LIN7A: variants seen among roughly 807,000 people sequenced by gnomAD.
The protein encoded by LIN7A is lin-7 cell polarity scaffold A.
Under a neutral mutation model 29.8 loss-of-function variants are expected in LIN7A, and 25 were observed. That is an observed-to-expected ratio of 0.84 (90% confidence interval 0.61 to 1.17). LIN7A has a LOEUF of 1.17. Ranked by LOEUF, LIN7A falls within the 50% of genes most tolerant of loss-of-function variation. The pLI, the probability that LIN7A is intolerant of heterozygous loss-of-function variation, is 0.00. For missense variants in LIN7A, 239 were observed against 287.0 expected, an observed-to-expected ratio of 0.83 and a Z score of 1.21; for synonymous variants, 118 against 107.5, an observed-to-expected ratio of 1.10 and a Z score of -0.60.
chr12:80,877,871 A>C (rs1462311288), intron 2 of LIN7A, among the ~76,000 whole-genome samples: 1 of 151,902 alleles, frequency 6.6e-6, no homozygotes, highest in African/African-American at 2.4e-5. Flanking sequence ...CTGGGAAGAA[A>C]AAAAAAAAAA....
intron 4 of LIN7A, among the ~76,000 whole-genome samples, chr12:80,817,936 G>C (rs1052483363): frequency 2.0e-5 from 3 of 152,114 alleles, no homozygotes; most frequent in Non-Finnish European, 4.4e-5. Context: ...GCAAGAAAAA[G>C]ATCTGGCAAC....
At chr12:80,906,667 T>C (rs1289649563) in intron 1 of LIN7A, among the ~76,000 whole-genome samples, 1 of 152,000 alleles carries the variant, frequency 6.6e-6, no homozygotes, top group African/African-American at 2.4e-5. Context: ...ATGGCCTTCC[T>C]GAGGGTGCAG....
chr12:80,845,199 T>A (rs191237692), intron 4 of LIN7A, among the ~76,000 whole-genome samples: 117 of 144,830 alleles, frequency 8.1e-4, no homozygotes, highest in African/African-American at 2.9e-3. Context: ...ATGGCACCAC[T>A]GCACTCCAGC....
At chr12:80,909,594 G>T (rs1374682314) in intron 1 of LIN7A, among the ~76,000 whole-genome samples, 1 of 152,096 alleles carries the variant, frequency 6.6e-6, no homozygotes, top group African/African-American at 2.4e-5. Flanking sequence ...TCGCGTGGCA[G>T]AAGGGGCAAT....
intron 1 of LIN7A, among the ~76,000 whole-genome samples, chr12:80,932,543 G>T (rs1479694499): frequency 6.6e-6 from 1 of 152,202 alleles, no homozygotes; most frequent in Non-Finnish European, 1.5e-5. Context: ...CAGATTGGAA[G>T]CTACTAATCA....
At chr12:80,874,619 A>G (rs1874590490) in intron 2 of LIN7A, among the ~76,000 whole-genome samples, 1 of 152,218 alleles carries the variant, frequency 6.6e-6, no homozygotes, top group African/African-American at 2.4e-5. Flanking sequence ...TGGAACATAT[A>G]TGAATAGGTA....
At chr12:80,821,770 G>T (rs1437762645) in intron 4 of LIN7A, among the ~76,000 whole-genome samples, 1 of 152,208 alleles carries the variant, frequency 6.6e-6, no homozygotes, top group African/African-American at 2.4e-5. Flanking sequence ...CAGTTGCCCA[G>T]CTGCAGGTGC....
chr12:80,892,051 C>T (rs1875652910), intron 1 of LIN7A, among the ~76,000 whole-genome samples: 1 of 152,154 alleles, frequency 6.6e-6, no homozygotes, highest in South Asian at 2.1e-4. Flanking sequence ...GAAGCAGCTT[C>T]AGTTGCTATC....
At position 80,889,232 on chromosome 12, in the gene LIN7A, T is replaced by TA. The variant is rs781485589; in HGVS notation, c.201+18dup. 1.5e-6 allele frequency: 2 copies of TA among 1,346,146 alleles called. No individual in the cohort carries two copies. The highest frequency in any genetic ancestry group is 2.1e-6 in the Non-Finnish European group (2 of 936,734). 83.4% of individuals were successfully genotyped at this position (1,346,146 alleles called of 1,614,324 possible). ...AAGACATATGGCTGAATTTAGTTAT[T>TA]AAAATTTTAGTGCCATACCTCTCGA... On this transcript the variant is annotated intron_variant, in intron 2 of 5. Transcript: ENST00000552864.
rs1275008802 is a variant in LIN7A at position 80,794,554 on chromosome 12, T to A, written c.*3173A>T. On this transcript the variant is annotated 3_prime_UTR_variant, in exon 6 of 6. Coordinates refer to ENST00000552864, the MANE Select transcript of LIN7A (RefSeq NM_004664.4). ...ACGGGCACAGTTGAGTAACATGAAA[T>A]GAGATAAGATCAGTTTGATGTCACA... is the stretch of plus-strand genomic sequence containing the variant. The A allele has an allele frequency of 6.6e-6, 1 of 152,182 alleles. No individual in the cohort carries two copies. The highest frequency in any genetic ancestry group is 6.6e-5 in the Admixed American group (1 of 15,266). 9.4% of individuals were successfully genotyped at this position (152,182 alleles called of 1,614,324 possible).
chr12:80,800,489 C>CAAAAAAAAAAAAAA lies in LIN7A; in HGVS notation c.*1-2777_*1-2764dup, dbSNP rs55772850. Among the ~76,000 whole-genome samples the CAAAAAAAAAAAAAA allele has an allele frequency of 1.6e-4, 6 of 38,078 alleles. 1 individual carries two copies. Among genetic ancestry groups the CAAAAAAAAAAAAAA allele is most frequent in the African/African-American group, 5.4e-4 (6 of 11,160 alleles). The allele number at this position is 38,078 out of a possible 152,430, so 25.0% of individuals were successfully genotyped here. ...GGGCAGCAAGAGTGAAACTCCGTCT[C>CAAAAAAAAAAAAAA]AAAAAAAAAAAAAAAAAAAAAAAAA... is the stretch of plus-strand genomic sequence containing the variant. On this transcript the variant is annotated intron_variant, in intron 5 of 5. Transcript: ENST00000552864.
At chr12:80,886,741 C>A (rs917743447) in intron 2 of LIN7A, among the ~76,000 whole-genome samples, 8 of 152,052 alleles carry the variant, frequency 5.3e-5, no homozygotes, top group Admixed American at 2.6e-4. Flanking sequence ...CAGTTATAGA[C>A]TTCTATGGAC....
At chr12:80,935,708 A>AT (rs779273079) in intron 1 of LIN7A, 1 of 450,970 alleles carries the variant, frequency 2.2e-6, no homozygotes, top group Non-Finnish European at 5.0e-6. Context: ...TTGGTTATAG[A>AT]TTTTCCATGA....
At position 80,823,063 on chromosome 12, in the gene LIN7A, A is replaced by G. The variant is rs182046784; in HGVS notation, c.484-11380T>C. ...ATGGGTCGACCAGTCTGCAGAGAGG[A>G]GCTACCCACTGTGGGTCTCTTCTGA... On this transcript the variant is annotated intron_variant, in intron 4 of 5. Coordinates refer to ENST00000552864, the MANE Select transcript of LIN7A (RefSeq NM_004664.4). Among the ~76,000 whole-genome samples, 1,079 of 152,266 alleles carry G rather than the reference A, an allele frequency of 7.1e-3. 7 individuals are homozygous for G. Among genetic ancestry groups the G allele is most frequent in the Admixed American group, 0.012 (190 of 15,296 alleles).
At chr12:80,806,509 A>G (rs981570655) in intron 5 of LIN7A, among the ~76,000 whole-genome samples, 1 of 152,238 alleles carries the variant, frequency 6.6e-6, no homozygotes, top group Non-Finnish European at 1.5e-5. Context: ...CAGGTGCTTT[A>G]TAACTTTTAC....
intron 1 of LIN7A, chr12:80,937,211 C>G (rs1049540119): frequency 1.3e-4 from 21 of 164,960 alleles, no homozygotes; most frequent in Non-Finnish European, 2.3e-4. Context: ...TCCCGGGCCC[C>G]TGCGCCAAGC....
intron 5 of LIN7A, among the ~76,000 whole-genome samples, chr12:80,802,692 G>T (rs1392347368): frequency 6.7e-6 from 1 of 149,258 alleles, no homozygotes; most frequent in Non-Finnish European, 1.5e-5. Context: ...AGAGATGGGG[G>T]TCTCACTATG....
intron 2 of LIN7A, among the ~76,000 whole-genome samples, chr12:80,885,272 T>A (rs1592924243): frequency 6.6e-6 from 1 of 152,272 alleles, no homozygotes; most frequent in Non-Finnish European, 1.5e-5. Context: ...TTTAGGCTAA[T>A]CTAGCTAATT....
intron 5 of LIN7A, among the ~76,000 whole-genome samples, chr12:80,799,840 C>T (rs1235943016): frequency 6.6e-6 from 1 of 151,498 alleles, no homozygotes; most frequent in East Asian, 1.9e-4. Context: ...AAATCAAAAG[C>T]TGATTATTTA....
Sources: gnomAD v4.1 joint callset for allele counts (sites outside exome capture counted in the v4.1 genomes callset) on GRCh38, gnomAD v4.1.1 for gene constraint, MANE v1.5 for transcripts, NCBI Gene and HGNC (gene_info 2026-07-23, HGNC 2026-07-21) for gene names.